UGT1A5: variants seen among roughly 807,000 people sequenced by gnomAD.
UGT1A5 encodes the protein UDP glucuronosyltransferase family 1 member A5.
UGT1A5 carries 29 observed loss-of-function variants against 40.3 expected under a neutral mutation model. That is an observed-to-expected ratio of 0.72 (90% CI 0.54 to 0.98). The LOEUF (loss-of-function observed/expected upper bound fraction) is 0.98, where lower values mean the gene tolerates loss of function less well. Ranked by LOEUF, UGT1A5 falls within the 50% of genes least tolerant of loss-of-function variation. The pLI is 0.00. For synonymous variants in UGT1A5, 257 were observed against 262.5 expected, an observed-to-expected ratio of 0.98 and a Z score of 0.20; for missense variants, 678 against 677.9, an observed-to-expected ratio of 1.00 and a Z score of 0.00.
intron 1 of UGT1A5, chr2:233,747,180 G>C (rs1336341084): frequency 3.1e-6 from 5 of 1,601,796 alleles, no homozygotes; most frequent in Non-Finnish European, 4.3e-6. Flanking sequence ...CACAGCGTGG[G>C]GTGGACAGTC....
At chr2:233,755,100 G>T (rs920872791) in intron 1 of UGT1A5, 1 of 1,335,078 alleles carries the variant, frequency 7.5e-7, no homozygotes, top group Non-Finnish European at 1.0e-6. Context: ...CTACGCGTCC[G>T]ACAACACCTC....
chr2:233,714,286 T>C (rs551165794), intron 1 of UGT1A5, among the ~76,000 whole-genome samples: 1 of 152,310 alleles, frequency 6.6e-6, no homozygotes, highest in South Asian at 2.1e-4. Context: ...CAATTTTTAG[T>C]GGTCCCATCT....
chr2:233,744,019 G>T, intron 1 of UGT1A5: 1 of 997,712 alleles, frequency 1.0e-6, no homozygotes. Flanking sequence ...GCCGCCTGGA[G>T]AGACGCCCCT....
chr2:233,762,771 C>G (rs543365278), intron 1 of UGT1A5, among the ~76,000 whole-genome samples: 5 of 150,154 alleles, frequency 3.3e-5, no homozygotes, highest in South Asian at 4.2e-4. Context: ...ATTTCTATCT[C>G]TAGCTGATTA....
At chr2:233,729,488 C>T (rs768406163) in intron 1 of UGT1A5, 3 of 1,614,180 alleles carry the variant, frequency 1.9e-6, no homozygotes, top group South Asian at 2.2e-5. Context: ...AACAATATGT[C>T]TTTGGTCTAT....
intron 1 of UGT1A5, chr2:233,753,231 A>G (rs1378697040): frequency 1.3e-5 from 2 of 152,142 alleles, no homozygotes; most frequent in African/African-American, 4.8e-5. Flanking sequence ...CTTCTTGTAT[A>G]GTTATTATTT....
In UGT1A5 at chr2:233,769,425, C is replaced by T; in HGVS notation, c.1307+986C>T. ...TGTGCGTGTGCGTTTGTGCATGTGGCTGTGCTCATGTGTGGGTGCACACGT... is the reference window on the plus strand; with the variant it reads ...TGTGCGTGTGCGTTTGTGCATGTGGTTGTGCTCATGTGTGGGTGCACACGT... On this transcript the variant is annotated intron_variant, in intron 4 of 4. Transcript: ENST00000373414. The surrounding 1 kb of genome is among the most constrained non-coding windows in gnomAD (Gnocchi z 4.4). The T allele has an allele frequency of 6.7e-7, 1 of 1,487,732 alleles. No homozygotes were observed. Among genetic ancestry groups the T allele is most frequent in the Non-Finnish European group, 9.3e-7 (1 of 1,075,832 alleles). 92.2% of individuals were successfully genotyped at this position (1,487,732 alleles called of 1,614,324 possible). A position where few individuals can be genotyped will look rare whatever the true frequency, so the allele number is the denominator to read the frequency against.
At chr2:233,736,657 T>G (rs571352922) in intron 1 of UGT1A5, among the ~76,000 whole-genome samples, 1 of 152,376 alleles carries the variant, frequency 6.6e-6, no homozygotes, top group African/African-American at 2.4e-5. Context: ...TGTGGTTTTA[T>G]GTACCTTAGG....
chr2:233,713,240 A>C lies in UGT1A5; in HGVS notation c.249A>C (p.Ser83=). The part of the protein sequence containing the change: ...NFFTLTTYAI[S]WTQDEFDRLL... ...TCACCCTGACAACGTATGCCATTTC[A>C]TGGACCCAGGACGAATTTGATCGCC... The change falls in exon 1 of 5, where the codon TCA becomes TCC. Residue 83 remains serine, a synonymous_variant. Coordinates refer to ENST00000373414, the MANE Select transcript of UGT1A5 (RefSeq NM_019078.2). 1 of 1,614,264 alleles carries C rather than the reference A, an allele frequency of 6.2e-7. No homozygotes were observed. Among genetic ancestry groups the C allele is most frequent in the Non-Finnish European group, 8.5e-7 (1 of 1,180,040 alleles).
At chr2:233,764,979 T>C (rs775533661) in intron 1 of UGT1A5, among the ~76,000 whole-genome samples, 2 of 151,670 alleles carry the variant, frequency 1.3e-5, no homozygotes, top group Non-Finnish European at 2.9e-5. Flanking sequence ...GGATGGTCAG[T>C]GTCTGGGGCT....
intron 1 of UGT1A5, among the ~76,000 whole-genome samples, chr2:233,714,879 A>C (rs1355340446): frequency 7.1e-6 from 1 of 141,030 alleles, no homozygotes; most frequent in African/African-American, 2.6e-5. Flanking sequence ...CTATCTTTTA[A>C]ATTTTTCTAT....
At chr2:233,729,381 C>T (rs141683822) in intron 1 of UGT1A5, 80 of 1,613,822 alleles carry the variant, frequency 5.0e-5, no homozygotes, top group Non-Finnish European at 6.7e-5. Flanking sequence ...TTTCGTGGAC[C>T]CAGGATGAAT....
chr2:233,713,529 T>A lies in UGT1A5; in HGVS notation c.538T>A (p.Leu180Ile). ...TTTCTTGAGGAACATTCCATGTGAT[T>A]TAGACTTTAAGGGCACACAGTGTCC... ...VFFLRNIPCDLDFKGTQCPNP... is the reference protein window; with the variant it reads ...VFFLRNIPCDIDFKGTQCPNP... The change falls in exon 1 of 5, where the codon TTA becomes ATA. Residue 180 changes from leucine to isoleucine, a missense_variant. Physicochemically the swap from Leu to Ile is conservative, Grantham distance 5. Coordinates refer to ENST00000373414, the MANE Select transcript of UGT1A5 (RefSeq NM_019078.2). 1 of 1,613,944 alleles carries A rather than the reference T, an allele frequency of 6.2e-7. No individual in the cohort carries two copies. Among genetic ancestry groups the A allele is most frequent in the Non-Finnish European group, 8.5e-7 (1 of 1,179,860 alleles).
chr2:233,749,668 C>T (rs1454528355), intron 1 of UGT1A5, among the ~76,000 whole-genome samples: 2 of 151,734 alleles, frequency 1.3e-5, no homozygotes, highest in Non-Finnish European at 2.9e-5. Flanking sequence ...CCCCATAATC[C>T]CCACGTGTCA....
intron 1 of UGT1A5, among the ~76,000 whole-genome samples, chr2:233,720,381 T>C (rs930663002): frequency 6.6e-6 from 1 of 152,042 alleles, no homozygotes; most frequent in Non-Finnish European, 1.5e-5. Flanking sequence ...CTACTTGGAA[T>C]GCTGAAATTA....
chr2:233,746,671 G>C (rs1345040800), intron 1 of UGT1A5, among the ~76,000 whole-genome samples: 1 of 151,792 alleles, frequency 6.6e-6, no homozygotes, highest in East Asian at 1.9e-4. Flanking sequence ...TCCTAGCATA[G>C]TAGGTAGGGC....
Position 233,713,156 on chromosome 2 carries a change from C to CCA in UGT1A5, c.167_168dup (p.Gln57ThrfsTer10). 1 of 1,614,194 alleles carries CCA rather than the reference C, an allele frequency of 6.2e-7. No individual in the cohort carries two copies. Among genetic ancestry groups the CCA allele is most frequent in the Non-Finnish European group, 8.5e-7 (1 of 1,180,038 alleles). ...CCTTGCGGGACCTCCATGCGAGAGGCCACCAGGTGGTGGTCCTCACCCTGG... is the reference window on the plus strand; with the variant it reads ...CCTTGCGGGACCTCCATGCGAGAGGCCACACCAGGTGGTGGTCCTCACCCTGG... On this transcript the variant is annotated frameshift_variant, in exon 1 of 5. Coordinates refer to ENST00000373414, the MANE Select transcript of UGT1A5 (RefSeq NM_019078.2). LOFTEE classifies it high-confidence loss of function.
chr2:233,724,187 G>A (rs1459882110), intron 1 of UGT1A5, among the ~76,000 whole-genome samples: 4 of 123,398 alleles, frequency 3.2e-5, no homozygotes, highest in Admixed American at 7.5e-5. Context: ...CCTCCCGGAC[G>A]GGGTGGCTGG....
chr2:233,760,868 C>T (rs1697593103), intron 1 of UGT1A5: 1 of 1,614,100 alleles, frequency 6.2e-7, no homozygotes, highest in East Asian at 2.2e-5. Flanking sequence ...TCCTACGTGC[C>T]CAGGCCTCTC....
Sources: gnomAD v4.1 joint callset for allele counts (sites outside exome capture counted in the v4.1 genomes callset) on GRCh38, gnomAD v4.1.1 for gene constraint, Gnocchi (gnomAD v3.1) non-coding constraint, MANE v1.5 for transcripts, NCBI Gene and HGNC (gene_info 2026-07-23, HGNC 2026-07-21) for gene names.